BMPR2: variants seen among roughly 807,000 people sequenced by gnomAD.
BMPR2 encodes bone morphogenetic protein receptor type-2.
A neutral mutation model predicts 100.8 loss-of-function variants in BMPR2; 29 were observed. That is an observed-to-expected ratio of 0.29 (90% CI 0.21 to 0.39). The LOEUF (loss-of-function observed/expected upper bound fraction) is 0.39, where lower values mean the gene tolerates loss of function less well. Among genes scored for constraint, BMPR2 ranks in the 10% least tolerant of loss-of-function variants. BMPR2 has a pLI of 1.00. For synonymous variants in BMPR2, 382 were observed against 442.3 expected, an observed-to-expected ratio of 0.86 and a Z score of 1.71; for missense variants, 1,011 against 1,274.5, an observed-to-expected ratio of 0.79 and a Z score of 3.15.
At chr2:202,409,815 C>T (rs1395336361) in intron 1 of BMPR2, among the ~76,000 whole-genome samples, 2 of 152,056 alleles carry the variant, frequency 1.3e-5, no homozygotes, top group Non-Finnish European at 2.9e-5. Flanking sequence ...GTTTCTTTCT[C>T]ATAGGGGCAG....
chr2:202,534,705 C>T (rs1469017086), intron 9 of BMPR2, among the ~76,000 whole-genome samples: 2 of 151,616 alleles, frequency 1.3e-5, no homozygotes, highest in Non-Finnish European at 2.9e-5. Context: ...AATCTTTTCC[C>T]CACCTTTCCC....
intron 1 of BMPR2, among the ~76,000 whole-genome samples, chr2:202,462,168 C>T (rs1559045728): frequency 1.3e-5 from 2 of 151,960 alleles, no homozygotes; most frequent in Admixed American, 6.6e-5. Context: ...TAAAATACCA[C>T]TTCCACACAT....
At chr2:202,514,663 A>G (rs568255460) in intron 4 of BMPR2, among the ~76,000 whole-genome samples, 3 of 152,166 alleles carry the variant, frequency 2.0e-5, no homozygotes, top group Non-Finnish European at 2.9e-5. Flanking sequence ...GTAAGTCATC[A>G]TGGGAGTGTC....
In BMPR2 at chr2:202,506,572, A is replaced by G. The variant is rs541911333; in HGVS notation, c.419-7147A>G. 5.3e-5 allele frequency among the ~76,000 whole-genome samples: 8 copies of G among 152,120 alleles called. No homozygotes were observed. The East Asian group carries it at 1.5e-3, about 29-fold the overall frequency. ...ACCTCCATATACTGTCACGTTGGGG[A>G]TTTAGGCTTCAACATACGAATTTGC... On this transcript the variant is annotated intron_variant, in intron 3 of 12. Transcript: ENST00000374580.
chr2:202,455,714 T>G (rs1352660316), intron 1 of BMPR2, among the ~76,000 whole-genome samples: 2 of 152,174 alleles, frequency 1.3e-5, no homozygotes, highest in African/African-American at 4.8e-5. Context: ...AGTTTTATTT[T>G]AAAGTGTTTT....
chr2:202,384,795 G>A (rs759114116), intron 1 of BMPR2, among the ~76,000 whole-genome samples: 29 of 151,754 alleles, frequency 1.9e-4, no homozygotes, highest in Non-Finnish European at 2.9e-4. Context: ...GTTTCTCCAT[G>A]CTGGTCAGGC....
chr2:202,386,443 C>T lies in BMPR2; in HGVS notation c.76+8893C>T, dbSNP rs117535176. 6.0e-4 allele frequency among the ~76,000 whole-genome samples: 92 copies of T among 152,216 alleles called. 3 individuals carry two copies. In the East Asian group the frequency reaches 0.016, roughly 27 times the overall value. On this transcript the variant is annotated intron_variant, in intron 1 of 12. Coordinates refer to ENST00000374580, the MANE Select transcript of BMPR2 (RefSeq NM_001204.7). ...GGCCCCAAATTAGAGATATCTTTGT[C>T]TCTTCTCTTTCTTTTTTTCACATTC... is the stretch of plus-strand genomic sequence containing the variant.
At chr2:202,483,381 T>C (rs1025413373) in intron 3 of BMPR2, among the ~76,000 whole-genome samples, 2 of 152,034 alleles carry the variant, frequency 1.3e-5, no homozygotes, top group Admixed American at 6.6e-5. Context: ...TTTTGTTTTT[T>C]TGTTTTTGTT....
At chr2:202,451,187 A>G (rs1287274863) in intron 1 of BMPR2, among the ~76,000 whole-genome samples, 2 of 152,200 alleles carry the variant, frequency 1.3e-5, no homozygotes, top group African/African-American at 4.8e-5. Flanking sequence ...AAAAATTTCT[A>G]TCAGTTAAAC....
intron 1 of BMPR2, among the ~76,000 whole-genome samples, chr2:202,443,206 C>A (rs1044581008): frequency 6.6e-6 from 1 of 150,718 alleles, no homozygotes; most frequent in African/African-American, 2.5e-5. Flanking sequence ...TTTATACGAT[C>A]TAGTCTGTGG....
chr2:202,449,617 G>A (rs563167307), intron 1 of BMPR2, among the ~76,000 whole-genome samples: 130 of 152,244 alleles, frequency 8.5e-4, no homozygotes, highest in Non-Finnish European at 1.5e-3. Flanking sequence ...TGGACACTGA[G>A]TCTCTAATGA....
chr2:202,395,733 C>G (rs556736956), intron 1 of BMPR2, among the ~76,000 whole-genome samples: 1 of 152,020 alleles, frequency 6.6e-6, no homozygotes, highest in Non-Finnish European at 1.5e-5. Context: ...GTTGGGAGTT[C>G]GAGACCATCC....
At chr2:202,473,759 C>T (rs572171827) in intron 3 of BMPR2, among the ~76,000 whole-genome samples, 2 of 151,258 alleles carry the variant, frequency 1.3e-5, no homozygotes, top group Non-Finnish European at 2.9e-5. Context: ...CCATTGCACT[C>T]CAGCCTGGGC....
intron 9 of BMPR2, among the ~76,000 whole-genome samples, chr2:202,536,347 C>G (rs1341033994): frequency 2.0e-5 from 3 of 151,938 alleles, no homozygotes; most frequent in Non-Finnish European, 4.4e-5. Context: ...CTCCTGGGCT[C>G]AAGTGATCCA....
chr2:202,565,197 T>C lies in BMPR2; in HGVS notation c.*5251T>C, dbSNP rs1688740586. On this transcript the variant is annotated 3_prime_UTR_variant, in exon 13 of 13. Coordinates refer to ENST00000374580, the MANE Select transcript of BMPR2 (RefSeq NM_001204.7). ...TTTTAAATTTTTTTCTTTTACCCAG[T>C]AGGACAAAAAAGAGCAGTTGGTCAT... 1 of 152,160 alleles carries C rather than the reference T, an allele frequency of 6.6e-6. No individual in the cohort carries two copies. Among genetic ancestry groups the C allele is most frequent in the Admixed American group, 6.6e-5 (1 of 15,264 alleles). 9.4% of individuals were successfully genotyped at this position (152,160 alleles called of 1,614,324 possible).
chr2:202,501,289 C>T (rs1378346743), intron 3 of BMPR2, among the ~76,000 whole-genome samples: 1 of 152,222 alleles, frequency 6.6e-6, no homozygotes, highest in Non-Finnish European at 1.5e-5. Flanking sequence ...GAATTACCGG[C>T]TTTTGCCGAC....
intron 1 of BMPR2, among the ~76,000 whole-genome samples, chr2:202,415,295 C>T (rs1478658892): frequency 6.6e-6 from 1 of 151,876 alleles, no homozygotes; most frequent in Admixed American, 6.6e-5. Context: ...CATGGAGAAA[C>T]CCTGTCTCTA....
intron 1 of BMPR2, among the ~76,000 whole-genome samples, chr2:202,399,477 G>A (rs1690718751): frequency 6.6e-6 from 1 of 152,304 alleles, no homozygotes; most frequent in South Asian, 2.1e-4. Flanking sequence ...AGGCAGGCAG[G>A]AGCCAAATCA....
intron 1 of BMPR2, among the ~76,000 whole-genome samples, chr2:202,386,353 C>A (rs1690426148): frequency 1.3e-5 from 2 of 152,170 alleles, no homozygotes; most frequent in African/African-American, 4.8e-5. Context: ...GCTGCTTCAC[C>A]AGACCTGTTC....
Sources: allele counts gnomAD v4.1 joint callset (sites outside exome capture counted in the v4.1 genomes callset), GRCh38; gene constraint gnomAD v4.1.1; transcripts MANE v1.5; gene names NCBI Gene and HGNC (gene_info 2026-07-23, HGNC 2026-07-21).